Variants in HOOK3 observed in about 807,000 individuals in gnomAD.
The protein encoded by HOOK3 is hook microtubule tethering protein 3, also known as protein Hook homolog 3.
A neutral mutation model predicts 116.3 loss-of-function variants in HOOK3; 24 were observed. The observed-to-expected ratio is 0.21, with a 90% CI of 0.15 to 0.29. The LOEUF is 0.29. HOOK3 is among the 10% of genes least tolerant of loss of function. The pLI, the probability that HOOK3 is intolerant of heterozygous loss-of-function variation, is 1.00. For missense variants in HOOK3, 632 were observed against 830.2 expected, an observed-to-expected ratio of 0.76 and a Z score of 2.93; for synonymous variants, 275 against 283.0, an observed-to-expected ratio of 0.97 and a Z score of 0.28.
At chr8:42,938,359 G>C (rs185470046) in intron 4 of HOOK3, among the ~76,000 whole-genome samples, 26 of 152,132 alleles carry the variant, frequency 1.7e-4, no homozygotes, top group African/African-American at 5.8e-4. Flanking sequence ...CAATTTGCTA[G>C]TCTGTGCCTT....
rs1414272095 is a variant in HOOK3, at chr8:42,925,616, A to T, written c.203A>T (p.Asn68Ile). Residue 68 changes from asparagine (N) to isoleucine (I), a missense_variant, in exon 3 of 22, where the codon AAT becomes ATT. Coordinates refer to ENST00000307602, the MANE Select transcript of HOOK3 (RefSeq NM_032410.4). ...LNRIKTEVGD[N>I]WRLKISNLKK... ...AGAATCAAAACTGAAGTAGGAGATA[A>T]TTGGAGGCTAAAGGTATTTTATTTT... is the stretch of plus-strand genomic sequence containing the variant. 6.3e-7 allele frequency: 1 copy of T among 1,595,000 alleles called. No homozygotes were observed. Among genetic ancestry groups the T allele is most frequent in the African/African-American group, 1.3e-5 (1 of 74,502 alleles).
At chr8:43,007,680 T>C (rs1463461193) in intron 17 of HOOK3, among the ~76,000 whole-genome samples, 167 bp from the exon 18 acceptor site, 1 of 152,168 alleles carries the variant, frequency 6.6e-6, no homozygotes, top group African/African-American at 2.4e-5. Flanking sequence ...CTTTATTTTT[T>C]ACTTATTTTT....
At chr8:42,903,432 C>T (rs965065256) in intron 1 of HOOK3, among the ~76,000 whole-genome samples, 40 of 149,680 alleles carry the variant, frequency 2.7e-4, no homozygotes, top group Admixed American at 2.0e-4. Context: ...GCAAGCTCCA[C>T]CTCCCGAGTT....
intron 13 of HOOK3, among the ~76,000 whole-genome samples, chr8:42,982,408 A>C (rs955936561): frequency 2.0e-5 from 3 of 152,170 alleles, no homozygotes; most frequent in African/African-American, 7.2e-5. Context: ...ATGGTTACAC[A>C]ACATTGTGAA....
chr8:43,005,840 C>G (rs1455560183), intron 17 of HOOK3, among the ~76,000 whole-genome samples: 3 of 142,364 alleles, frequency 2.1e-5, no homozygotes, highest in Non-Finnish European at 3.1e-5. Context: ...GGATTACAGG[C>G]CCCCCCCCAC....
chr8:42,987,872 A>G (rs892865126), intron 15 of HOOK3, among the ~76,000 whole-genome samples: 1 of 151,556 alleles, frequency 6.6e-6, no homozygotes, highest in Non-Finnish European at 1.5e-5. Context: ...GTTTTACTGC[A>G]GTGATACTCT....
rs1444060834 is a variant in HOOK3, at chr8:43,019,197, G to T, written c.*699G>T. On this transcript the variant is annotated 3_prime_UTR_variant, in exon 22 of 22. Coordinates refer to ENST00000307602, the MANE Select transcript of HOOK3 (RefSeq NM_032410.4). ...TTATTTCCTGCTATCTTGTTTGCTG[G>T]CAGAAGTGAATGTTTGGTGAGGTTA... 1 of 211,666 alleles carries T rather than the reference G, an allele frequency of 4.7e-6. No homozygotes were observed. The highest frequency in any genetic ancestry group is 9.6e-6 in the Non-Finnish European group (1 of 104,650). The allele number at this position is 211,666 out of a possible 1,614,324, so 13.1% of individuals were successfully genotyped here. A position where few individuals can be genotyped will look rare whatever the true frequency, so the allele number is the denominator to read the frequency against.
intron 19 of HOOK3, among the ~76,000 whole-genome samples, chr8:43,010,961 C>T (rs190053874): frequency 0.013 from 2,044 of 151,994 alleles, 29 homozygotes; most frequent in Non-Finnish European, 0.019. Flanking sequence ...AGGCATTCAT[C>T]TCTGAGTCCT....
Position 42,968,124 on chromosome 8 carries a change from T to C in HOOK3, c.1032T>C (p.Asn344=), listed in dbSNP as rs1246588984. 1 of 1,613,098 alleles carries C rather than the reference T, an allele frequency of 6.2e-7. No individual in the cohort carries two copies. The highest frequency in any genetic ancestry group is 1.7e-5 in the Admixed American group (1 of 60,004). ...RRQVKLLEEK[N]TMYMQNTVSL... is the part of the protein sequence containing the mutation. Reference sequence around the variant, plus strand: ...AGGTTAAACTCTTAGAAGAGAAGAATACCATGTATATGCAGAATACTGTCA... The same window carrying C: ...AGGTTAAACTCTTAGAAGAGAAGAACACCATGTATATGCAGAATACTGTCA... Residue 344 remains asparagine, a synonymous_variant, in exon 11 of 22, where the codon AAT becomes AAC. Coordinates refer to ENST00000307602, the MANE Select transcript of HOOK3 (RefSeq NM_032410.4).
intron 15 of HOOK3, among the ~76,000 whole-genome samples, chr8:42,996,909 T>TC: frequency 7.4e-6 from 1 of 135,112 alleles, no homozygotes; most frequent in Non-Finnish European, 1.6e-5. Context: ...TTTTTTTTTT[T>TC]TTTTTTTTTT....
intron 16 of HOOK3, 126 bp from the exon 17 acceptor site, chr8:43,001,981 C>T (rs141327971): frequency 4.9e-6 from 3 of 617,730 alleles, no homozygotes; most frequent in Non-Finnish European, 5.8e-6. Flanking sequence ...GTGTTTTCAG[C>T]TCTTTGACCA....
At chr8:42,924,323 C>CCCTCCCTT (rs1205479742) in intron 2 of HOOK3, among the ~76,000 whole-genome samples, 2 of 146,696 alleles carry the variant, frequency 1.4e-5, no homozygotes, top group East Asian at 2.1e-4. Context: ...CTCCCTCCCT[C>CCCTCCCTT]CCTCCCTTCC....
intron 4 of HOOK3, among the ~76,000 whole-genome samples, chr8:42,940,786 A>T (rs1173217372): frequency 1.3e-5 from 2 of 152,070 alleles, no homozygotes; most frequent in African/African-American, 4.8e-5. Flanking sequence ...CTGAATTTGA[A>T]CGTTGGCCTG....
In HOOK3 at chr8:42,957,100, A is replaced by T; in HGVS notation, c.475A>T (p.Ser159Cys). ...ATTTAAATCTTGATTTCAGCTGATG[A>T]GTAAAGAATCTCCTGTCTCTGCTGG... ...VVMTAIQELM[S>C]KESPVSAGND... The change falls in exon 7 of 22, where the codon AGT (serine) becomes TGT (cysteine). Residue 159 changes from serine (S) to cysteine (C), a missense_variant. Around this residue, in one of 3 missense-constraint regions of HOOK3, gnomAD observed 483 missense variants for 648.1 expected, o/e 0.75. Transcript: ENST00000307602. 1 of 1,582,922 alleles carries T rather than the reference A, an allele frequency of 6.3e-7. No homozygotes were observed. Among genetic ancestry groups the T allele is most frequent in the South Asian group, 1.2e-5 (1 of 86,194 alleles).
chr8:42,939,130 A>G (rs566587961), intron 4 of HOOK3, among the ~76,000 whole-genome samples: 113 of 152,348 alleles, frequency 7.4e-4, no homozygotes, highest in Middle Eastern at 3.4e-3. Flanking sequence ...CTACACAGAC[A>G]ACGGCAACCA....
intron 4 of HOOK3, among the ~76,000 whole-genome samples, chr8:42,938,217 C>CTTTTTTTTTTTTTTTTTTTTT (rs145868661): frequency 2.3e-5 from 3 of 132,292 alleles, no homozygotes; most frequent in African/African-American, 8.6e-5. Flanking sequence ...GCAACCCCTG[C>CTTTTTTTTTTTTTTTTTTTTT]TTTTTTTTTT....
At chr8:42,920,220 A>G (rs761599043) in intron 2 of HOOK3, among the ~76,000 whole-genome samples, 9 of 152,192 alleles carry the variant, frequency 5.9e-5, no homozygotes, top group Admixed American at 6.5e-5. Flanking sequence ...TTACATATCT[A>G]TGCAGAACTG....
intron 5 of HOOK3, among the ~76,000 whole-genome samples, chr8:42,943,702 G>GA (rs1808171826): frequency 6.6e-6 from 1 of 152,120 alleles, no homozygotes; most frequent in Non-Finnish European, 1.5e-5. Flanking sequence ...TAACTACACT[G>GA]AATGCAGTGA....
chr8:42,901,011 C>T (rs541066565), intron 1 of HOOK3, among the ~76,000 whole-genome samples: 5 of 152,308 alleles, frequency 3.3e-5, no homozygotes, highest in Admixed American at 2.0e-4. Flanking sequence ...TGACATTTTG[C>T]GCTGGACAGT....
Sources: allele counts gnomAD v4.1 joint callset (sites outside exome capture counted in the v4.1 genomes callset), GRCh38; gene constraint gnomAD v4.1.1; regional missense constraint gnomAD v4.1.1; transcripts MANE v1.5; gene names NCBI Gene and HGNC (gene_info 2026-07-23, HGNC 2026-07-21).